The following SWT1 variants were observed in gnomAD, a reference collection of about 807,000 sequenced individuals.
SWT1 encodes transcriptional protein SWT1.
In SWT1, 33 loss-of-function variants were observed where a neutral mutation model predicts 107.3. The observed-to-expected ratio is 0.31, with a 90% CI of 0.23 to 0.41. The LOEUF (loss-of-function observed/expected upper bound fraction) is 0.41. SWT1 is among the 10% of genes least tolerant of loss of function. SWT1 has a pLI of 1.00. For missense variants in SWT1, 898 were observed against 1,028.9 expected, an observed-to-expected ratio of 0.87 and a Z score of 1.74; for synonymous variants, 345 against 348.3, an observed-to-expected ratio of 0.99 and a Z score of 0.11.
At chr1:185,246,623 C>CTT (rs375322237) in intron 16 of SWT1, among the ~76,000 whole-genome samples, 2,522 of 96,450 alleles carry the variant, frequency 0.026, 141 homozygotes, top group East Asian at 0.074. Flanking sequence ...TTTTGGAGAG[C>CTT]TTTTTTTTTT....
At chr1:185,181,521 A>G (rs889217639) in intron 6 of SWT1, among the ~76,000 whole-genome samples, 21 of 152,226 alleles carry the variant, frequency 1.4e-4, no homozygotes, top group African/African-American at 4.1e-4. Context: ...AAGAATGCTT[A>G]CTGTCAAGAT....
chr1:185,279,349 G>A (rs560041251), intron 18 of SWT1, among the ~76,000 whole-genome samples: 2 of 152,252 alleles, frequency 1.3e-5, no homozygotes, highest in South Asian at 2.1e-4. Context: ...AGTTGGCAGA[G>A]TTTTTATTGG....
intron 16 of SWT1, among the ~76,000 whole-genome samples, chr1:185,250,752 T>G (rs1661951830): frequency 1.3e-5 from 2 of 152,134 alleles, no homozygotes; most frequent in Non-Finnish European, 2.9e-5. Flanking sequence ...AACCTCCACC[T>G]CCCGGGTTCA....
chr1:185,204,971 G>A (rs1658213384), intron 12 of SWT1, 108 bp downstream of exon 12: 1 of 593,268 alleles, frequency 1.7e-6, no homozygotes. Flanking sequence ...TGAATAATCT[G>A]TATCATGTTA....
At chr1:185,246,001 C>T (rs529536740) in intron 16 of SWT1, among the ~76,000 whole-genome samples, 3 of 152,196 alleles carry the variant, frequency 2.0e-5, no homozygotes, top group African/African-American at 7.2e-5. Context: ...TTCCTGACCT[C>T]AGGTGATCTG....
At chr1:185,226,771 T>C in intron 15 of SWT1, 1 of 881,708 alleles carries the variant, frequency 1.1e-6, no homozygotes, top group Non-Finnish European at 1.7e-6. Context: ...TTTATTGTCT[T>C]TATCTGAAAA....
chr1:185,289,861 G>A (rs1665149997), intron 18 of SWT1, among the ~76,000 whole-genome samples: 1 of 152,110 alleles, frequency 6.6e-6, no homozygotes, highest in Admixed American at 6.6e-5. Flanking sequence ...TTGAGGAGAT[G>A]GTGGTGAAAG....
At chr1:185,197,235 C>T (rs1411026066) in intron 10 of SWT1, among the ~76,000 whole-genome samples, 2 of 152,046 alleles carry the variant, frequency 1.3e-5, no homozygotes, top group African/African-American at 4.8e-5. Context: ...TGGTTTTTGT[C>T]ATTGGTTCTG....
At chr1:185,216,530 T>G (rs1437743411) in intron 14 of SWT1, among the ~76,000 whole-genome samples, 1 of 152,180 alleles carries the variant, frequency 6.6e-6, no homozygotes, top group African/African-American at 2.4e-5. Context: ...TAATGTGTAG[T>G]TTTTAATCCT....
intron 16 of SWT1, among the ~76,000 whole-genome samples, chr1:185,233,769 A>G (rs1488943233): frequency 6.6e-6 from 1 of 152,080 alleles, no homozygotes; most frequent in East Asian, 1.9e-4. Context: ...TTTGAGACGG[A>G]GTCTTGCTCT....
chr1:185,242,223 T>C (rs1661298480), intron 16 of SWT1, among the ~76,000 whole-genome samples: 1 of 152,158 alleles, frequency 6.6e-6, no homozygotes, highest in Non-Finnish European at 1.5e-5. Flanking sequence ...ACAGTTAATG[T>C]GTATATCAAA....
chr1:185,248,753 G>A (rs1371970908), intron 16 of SWT1, among the ~76,000 whole-genome samples: 2 of 137,582 alleles, frequency 1.5e-5, no homozygotes. Context: ...TCACTAAAAA[G>A]CTAATGAAGA....
At chr1:185,178,176 G>C (rs1213519887) in intron 5 of SWT1, among the ~76,000 whole-genome samples, 1 of 152,198 alleles carries the variant, frequency 6.6e-6, no homozygotes, top group Admixed American at 6.5e-5. Flanking sequence ...GTGAGGACTA[G>C]ATATGCTGTC....
chr1:185,273,197 G>C (rs1188007496), intron 17 of SWT1, among the ~76,000 whole-genome samples: 1 of 152,170 alleles, frequency 6.6e-6, no homozygotes, highest in East Asian at 1.9e-4. Context: ...TTGAGGTCAG[G>C]AGTTTGAGAA....
At chr1:185,240,610 T>G (rs1001722904) in intron 16 of SWT1, among the ~76,000 whole-genome samples, 1 of 152,148 alleles carries the variant, frequency 6.6e-6, no homozygotes, top group African/African-American at 2.4e-5. Flanking sequence ...GCATTTGTAC[T>G]TGATCATAGA....
intron 5 of SWT1, among the ~76,000 whole-genome samples, chr1:185,178,278 C>T (rs1039876116): frequency 7.9e-5 from 12 of 151,880 alleles, no homozygotes; most frequent in Admixed American, 5.9e-4. Flanking sequence ...GTCAGTATGA[C>T]TAGAGTCAAG....
chr1:185,197,887 A>G (rs1657531583), intron 10 of SWT1, among the ~76,000 whole-genome samples: 1 of 152,160 alleles, frequency 6.6e-6, no homozygotes. Flanking sequence ...TCAAAAAACC[A>G]GCTCCTGGAT....
intron 16 of SWT1, among the ~76,000 whole-genome samples, chr1:185,250,532 A>G (rs934428428): frequency 2.6e-5 from 4 of 151,896 alleles, no homozygotes; most frequent in Non-Finnish European, 4.4e-5. Context: ...TCCTCTCTCT[A>G]TACTCCACTT....
chr1:185,267,751 T>G (rs972655908), intron 16 of SWT1, among the ~76,000 whole-genome samples: 1 of 152,216 alleles, frequency 6.6e-6, no homozygotes, highest in African/African-American at 2.4e-5. Flanking sequence ...TAAAAGATAT[T>G]TTTCCCAAGG....
Sources: allele counts gnomAD v4.1 joint callset (sites outside exome capture counted in the v4.1 genomes callset), GRCh38; gene constraint gnomAD v4.1.1; transcripts MANE v1.5; gene names NCBI Gene and HGNC (gene_info 2026-07-23, HGNC 2026-07-21).